Variants in DIS3L2 observed in about 807,000 individuals in gnomAD.
DIS3L2 encodes the protein DIS3 like 3'-5' exoribonuclease 2, also known as DIS3-like exonuclease 2.
DIS3L2 carries 34 observed loss-of-function variants against 97.5 expected under a neutral mutation model. The observed-to-expected ratio is 0.35, with a 90% CI of 0.27 to 0.46. DIS3L2 has a LOEUF of 0.46. Ranked by LOEUF, DIS3L2 falls within the 20% of genes least tolerant of loss-of-function variation. The pLI is 1.00. For missense variants in DIS3L2, 1,038 were observed against 1,146.0 expected (o/e 0.91, Z 1.36); for synonymous variants, 435 against 445.2 (o/e 0.98, Z 0.29).
chr2:232,113,988 C>T (rs1271287150), intron 6 of DIS3L2, among the ~76,000 whole-genome samples: 2 of 152,152 alleles, frequency 1.3e-5, no homozygotes, highest in Non-Finnish European at 2.9e-5. Flanking sequence ...TCAGCTGGCA[C>T]CACACAGATT....
At chr2:232,329,788 C>CGT in intron 14 of DIS3L2, 25 bp from the exon 15 acceptor site, 2 of 1,080,634 alleles carry the variant, frequency 1.9e-6, no homozygotes, top group Non-Finnish European at 2.5e-6. Context: ...CCAGCGGTCC[C>CGT]TCCCATCCCA....
At chr2:232,094,518 G>A (rs1326919876) in intron 6 of DIS3L2, among the ~76,000 whole-genome samples, 4 of 151,968 alleles carry the variant, frequency 2.6e-5, no homozygotes, top group Non-Finnish European at 5.9e-5. Flanking sequence ...AGGAGTTTGA[G>A]ACCAGCCTGG....
At chr2:232,222,673 G>A (rs13382533) in intron 10 of DIS3L2, among the ~76,000 whole-genome samples, 13,455 of 152,062 alleles carry the variant, frequency 0.088, 1,093 homozygotes, top group African/African-American at 0.21. Context: ...CACCATGTTG[G>A]CCAGGTTGGT....
chr2:232,281,283 C>T lies in DIS3L2; in HGVS notation c.1659+17843C>T, dbSNP rs940461523. ...GCGTGGTGGCGGGCGCCTGTGGTCCCAGCTATTTGGGAGGCTGAGGCAGGA... is the reference window on the plus strand; with the variant it reads ...GCGTGGTGGCGGGCGCCTGTGGTCCTAGCTATTTGGGAGGCTGAGGCAGGA... On this transcript the variant is annotated intron_variant, in intron 13 of 20. Coordinates refer to ENST00000325385, the MANE Select transcript of DIS3L2 (RefSeq NM_152383.5). The surrounding 1 kb of genome is among the most constrained non-coding windows in gnomAD (Gnocchi z 4.1). 6.6e-6 allele frequency among the ~76,000 whole-genome samples: 1 copy of T among 152,224 alleles called. No individual in the cohort carries two copies. Among genetic ancestry groups the T allele is most frequent in the Middle Eastern group, 3.4e-3 (1 of 294 alleles).
intron 1 of DIS3L2, among the ~76,000 whole-genome samples, chr2:232,005,454 T>C (rs191011207): frequency 6.6e-6 from 1 of 152,316 alleles, no homozygotes; most frequent in East Asian, 1.9e-4. Flanking sequence ...TGTGGTCCTT[T>C]CTTCTAGCCA....
chr2:232,296,289 TG>T (rs1694724668), intron 13 of DIS3L2, among the ~76,000 whole-genome samples: 1 of 152,250 alleles, frequency 6.6e-6, no homozygotes, highest in Non-Finnish European at 1.5e-5. Context: ...GAAAGGAGCA[TG>T]GATTTTGGTT....
intron 14 of DIS3L2, among the ~76,000 whole-genome samples, chr2:232,323,351 A>G (rs1452102940): frequency 6.6e-6 from 1 of 152,218 alleles, no homozygotes; most frequent in Non-Finnish European, 1.5e-5. Flanking sequence ...CCCAGCTCCC[A>G]GCAAGTCTCC....
intron 9 of DIS3L2, among the ~76,000 whole-genome samples, chr2:232,173,575 A>G (rs994063602): frequency 6.6e-6 from 1 of 152,128 alleles, no homozygotes; most frequent in Non-Finnish European, 1.5e-5. Context: ...TAGTTGTTAT[A>G]TTTATGATCC....
At chr2:232,127,467 A>G (rs1404551423) in intron 6 of DIS3L2, among the ~76,000 whole-genome samples, 1 of 152,176 alleles carries the variant, frequency 6.6e-6, no homozygotes, top group East Asian at 1.9e-4. Context: ...TCTTAATTCC[A>G]TCTCCAATGC....
chr2:232,184,042 C>T (rs1420370688), intron 9 of DIS3L2, among the ~76,000 whole-genome samples: 1 of 152,184 alleles, frequency 6.6e-6, no homozygotes, highest in African/African-American at 2.4e-5. Flanking sequence ...GTAAGTAAAA[C>T]TTTACAAAGT....
intron 9 of DIS3L2, among the ~76,000 whole-genome samples, chr2:232,166,975 C>G (rs188833678): frequency 1.3e-5 from 2 of 150,934 alleles, no homozygotes; most frequent in South Asian, 2.1e-4. Context: ...AAGCTGAGAT[C>G]ATGCCACTGC....
chr2:232,050,051 TA>T (rs139403524), intron 5 of DIS3L2, among the ~76,000 whole-genome samples: 2,021 of 152,346 alleles, frequency 0.013, 53 homozygotes, highest in African/African-American at 0.046. Context: ...AGCTTTCTAC[TA>T]AAGTTGTTCT....
chr2:232,093,369 T>C (rs566661265), intron 6 of DIS3L2, among the ~76,000 whole-genome samples: 2 of 152,286 alleles, frequency 1.3e-5, no homozygotes, highest in African/African-American at 4.8e-5. Flanking sequence ...TATGTCTTTA[T>C]CTGTTTTTGA....
In DIS3L2 at chr2:232,191,728, A is replaced by G. The variant is rs561891273; in HGVS notation, c.1125-18598A>G. The stretch of plus-strand genomic sequence containing the variant: ...GAGTTATAAGTTTATATATGGGAGA[A>G]TCAAGAGTTTCAAATTGTGATTGTT... On this transcript the variant is annotated intron_variant, in intron 9 of 20. Transcript: ENST00000325385. Among the ~76,000 whole-genome samples the G allele has an allele frequency of 5.9e-5, 9 of 152,312 alleles. No homozygotes were observed. The East Asian group carries it at 1.7e-3, about 29-fold the overall frequency.
At chr2:232,098,444 C>T (rs554470398) in intron 6 of DIS3L2, among the ~76,000 whole-genome samples, 6 of 151,424 alleles carry the variant, frequency 4.0e-5, no homozygotes, top group Middle Eastern at 3.4e-3. Context: ...ACCTCCACCT[C>T]CTGGGTTCAA....
In DIS3L2 at chr2:231,965,289, G is replaced by A. The variant is rs572886186; in HGVS notation, c.-94+3524G>A. On this transcript the variant is annotated intron_variant, in intron 1 of 20. Coordinates refer to ENST00000325385, the MANE Select transcript of DIS3L2 (RefSeq NM_152383.5). The stretch of plus-strand genomic sequence containing the variant: ...TCTGAAGTGCTTCCTATGTAGCAGC[G>A]GTAGTATCAGGAATTACCAAAAACA... 9.2e-5 allele frequency among the ~76,000 whole-genome samples: 14 copies of A among 152,198 alleles called. 1 individual carries two copies. The highest frequency in any genetic ancestry group is 8.3e-4 in the South Asian group (4 of 4,820).
At chr2:232,021,258 G>T (rs1156566822) in intron 3 of DIS3L2, among the ~76,000 whole-genome samples, 1 of 152,066 alleles carries the variant, frequency 6.6e-6, no homozygotes, top group African/African-American at 2.4e-5. Context: ...GATTTGCAAC[G>T]TTAATAGATA....
chr2:232,291,258 A>G (rs922109935), intron 13 of DIS3L2, among the ~76,000 whole-genome samples: 1 of 152,278 alleles, frequency 6.6e-6, no homozygotes, highest in African/African-American at 2.4e-5. Flanking sequence ...TACTTAGGAA[A>G]TCCAAACCAA....
chr2:232,054,536 C>G (rs909953742), intron 5 of DIS3L2, among the ~76,000 whole-genome samples: 7 of 152,182 alleles, frequency 4.6e-5, no homozygotes, highest in African/African-American at 1.4e-4. Flanking sequence ...GAACAACCAA[C>G]CAGCCATAGT....
Sources: gnomAD v4.1 joint callset for allele counts (sites outside exome capture counted in the v4.1 genomes callset) on GRCh38, gnomAD v4.1.1 for gene constraint, Gnocchi (gnomAD v3.1) non-coding constraint, MANE v1.5 for transcripts, NCBI Gene and HGNC (gene_info 2026-07-23, HGNC 2026-07-21) for gene names.